Variants in SLC38A9 observed in about 807,000 individuals in gnomAD.
SLC38A9 encodes the protein neutral amino acid transporter 9.
In SLC38A9, 48 loss-of-function variants were observed where a neutral mutation model predicts 62.3. The ratio of observed to expected loss-of-function variants is 0.77; its 90% CI spans 0.61 to 0.98. The LOEUF is 0.98. SLC38A9 is among the 50% of genes least tolerant of loss of function. The probability of loss-of-function intolerance (pLI) is 0.00; values close to 1 mark genes in which losing one functional copy is unlikely to be tolerated. For synonymous variants in SLC38A9, 204 were observed against 227.7 expected (o/e 0.90, Z 0.94); for missense variants, 541 against 679.8 (o/e 0.80, Z 2.27).
intron 12 of SLC38A9, among the ~76,000 whole-genome samples, chr5:55,641,197 T>G (rs1186769451): frequency 6.6e-6 from 1 of 152,224 alleles, no homozygotes; most frequent in Non-Finnish European, 1.5e-5. Flanking sequence ...TATTTTATTT[T>G]TTGGTAAAAA....
intron 3 of SLC38A9, among the ~76,000 whole-genome samples, chr5:55,681,270 T>C (rs904565116): frequency 2.0e-5 from 3 of 152,222 alleles, no homozygotes; most frequent in Non-Finnish European, 4.4e-5. Context: ...TAATTAAAAA[T>C]GTAAACATTT....
chr5:55,669,111 T>G, intron 7 of SLC38A9, 117 bp downstream of exon 7: 2 of 588,420 alleles, frequency 3.4e-6, no homozygotes, highest in South Asian at 3.2e-5. Flanking sequence ...CAGAAGTAAA[T>G]CTTTAGGTAC....
chr5:55,691,550 G>T (rs16884459), intron 3 of SLC38A9, among the ~76,000 whole-genome samples: 91,203 of 152,024 alleles, frequency 0.6, 27,935 homozygotes, highest in South Asian at 0.7. Context: ...AGCTGGATGG[G>T]CAACTTCCCC....
At chr5:55,711,283 ACT>A (rs1338228921) in intron 2 of SLC38A9, 167 bp downstream of exon 2, 2 of 137,900 alleles carry the variant, frequency 1.5e-5, no homozygotes, top group Non-Finnish European at 3.1e-5. Context: ...ACAGAGCGAG[ACT>A]CTTGTCTGAA....
At chr5:55,645,046 C>T (rs1166773562) in intron 12 of SLC38A9, among the ~76,000 whole-genome samples, 1 of 152,092 alleles carries the variant, frequency 6.6e-6, no homozygotes, top group Admixed American at 6.6e-5. Context: ...AGGACATGAA[C>T]TCATCATTTT....
At position 55,649,210 on chromosome 5, in the gene SLC38A9, G is replaced by A; in HGVS notation, c.1057C>T (p.Pro353Ser). 6.3e-7 allele frequency: 1 copy of A among 1,575,610 alleles called. No homozygotes were observed. The highest frequency in any genetic ancestry group is 1.2e-5 in the South Asian group (1 of 84,032). ...ATTATTTTGCCAAAAAGCTCACCTG[G>A]TACAAAAAATTCTGTTGGTATAAAC... ...HWFIPTEFFV[P>S]EIRFQFPQLT... The change falls in exon 11 of 16, where the codon CCA becomes TCA. Residue 353 changes from proline to serine, a missense_variant. Pro to Ser is a moderately conservative substitution (Grantham distance 74). Transcript: ENST00000396865.
At chr5:55,643,789 T>C (rs1010332576) in intron 12 of SLC38A9, among the ~76,000 whole-genome samples, 1 of 152,254 alleles carries the variant, frequency 6.6e-6, no homozygotes, top group African/African-American at 2.4e-5. Context: ...AGTTCCTCTT[T>C]ATCTCTGGCA....
chr5:55,670,883 GA>G (rs957700965), intron 4 of SLC38A9, among the ~76,000 whole-genome samples: 1 of 150,388 alleles, frequency 6.6e-6, no homozygotes, highest in African/African-American at 2.4e-5. Flanking sequence ...GGAAAAAGCC[GA>G]AAAAAAAATT....
intron 3 of SLC38A9, among the ~76,000 whole-genome samples, chr5:55,690,830 A>C (rs1754628242): frequency 6.6e-6 from 1 of 152,230 alleles, no homozygotes; most frequent in Admixed American, 6.5e-5. Context: ...GAGATGTCTT[A>C]AATCTAAATA....
At chr5:55,650,843 G>A (rs927629775) in intron 10 of SLC38A9, among the ~76,000 whole-genome samples, 31 of 152,216 alleles carry the variant, frequency 2.0e-4, no homozygotes, top group African/African-American at 7.5e-4. Flanking sequence ...CCACGCTGGA[G>A]TGCAATGGCA....
At chr5:55,663,134 T>C (rs11739503) in intron 8 of SLC38A9, among the ~76,000 whole-genome samples, 2 of 151,280 alleles carry the variant, frequency 1.3e-5, no homozygotes, top group African/African-American at 4.9e-5. Flanking sequence ...AGTTCAGATG[T>C]TCCACCAGCC....
At chr5:55,691,279 C>G in intron 3 of SLC38A9, 1 of 1,447,492 alleles carries the variant, frequency 6.9e-7, no homozygotes, top group Non-Finnish European at 9.4e-7. Flanking sequence ...TAATACCAAG[C>G]TGACAACAGA....
At chr5:55,657,522 C>G (rs971160935) in intron 8 of SLC38A9, among the ~76,000 whole-genome samples, 1 of 147,274 alleles carries the variant, frequency 6.8e-6, no homozygotes, top group African/African-American at 2.5e-5. Flanking sequence ...ACAATACATA[C>G]TTTTATAGAT....
At chr5:55,639,552 A>G (rs1165026955) in intron 12 of SLC38A9, among the ~76,000 whole-genome samples, 1 of 152,188 alleles carries the variant, frequency 6.6e-6, no homozygotes. Context: ...TCCAGTATCC[A>G]CATTATGAAT....
intron 11 of SLC38A9, among the ~76,000 whole-genome samples, chr5:55,646,542 T>C (rs187101054): frequency 3.0e-3 from 452 of 152,272 alleles, no homozygotes; most frequent in African/African-American, 0.01. Flanking sequence ...AAAGGAATTA[T>C]GAAAGGGCAA....
chr5:55,696,966 C>T, intron 3 of SLC38A9: 1 of 155,022 alleles, frequency 6.5e-6, no homozygotes, highest in Non-Finnish European at 1.4e-5. Flanking sequence ...AGACGATGGG[C>T]AGCGGGGCAG....
rs1758170664 is a variant in SLC38A9 at position 55,712,315 on chromosome 5, AACAG to A, written c.-185_-182del. 1 of 152,738 alleles carries A rather than the reference AACAG, an allele frequency of 6.5e-6. No individual in the cohort carries two copies. Among genetic ancestry groups the A allele is most frequent in the African/African-American group, 2.4e-5 (1 of 41,468 alleles). 9.5% of individuals were successfully genotyped at this position (152,738 alleles called of 1,614,324 possible). A position where few individuals can be genotyped will look rare whatever the true frequency, so the allele number is the denominator to read the frequency against. On this transcript the variant is annotated 5_prime_UTR_variant, in exon 1 of 16. Transcript: ENST00000396865. ...TTGCGACCGCGGGGCTCCTAGTCCAAACAGGAAGCGGCAATAGCCTGGGTCGCAG... is the reference window on the plus strand; with the variant it reads ...TTGCGACCGCGGGGCTCCTAGTCCAAGAAGCGGCAATAGCCTGGGTCGCAG...
chr5:55,699,551 G>A (rs1036775447), intron 2 of SLC38A9, among the ~76,000 whole-genome samples: 3 of 152,124 alleles, frequency 2.0e-5, no homozygotes, highest in African/African-American at 7.2e-5. Flanking sequence ...AAAGTACTAT[G>A]AGTGAGAACA....
chr5:55,697,665 A>C (rs1388263737), intron 3 of SLC38A9, among the ~76,000 whole-genome samples, 181 bp downstream of exon 3: 6 of 152,040 alleles, frequency 3.9e-5, no homozygotes, highest in Non-Finnish European at 7.4e-5. Context: ...AAAAAAAAAA[A>C]AAAAAAAAAA....
Sources: gnomAD v4.1 joint callset for allele counts (sites outside exome capture counted in the v4.1 genomes callset) on GRCh38, gnomAD v4.1.1 for gene constraint, MANE v1.5 for transcripts, NCBI Gene and HGNC (gene_info 2026-07-23, HGNC 2026-07-21) for gene names.